The following FNBP1L variants were observed in gnomAD, a reference collection of about 807,000 sequenced individuals.
FNBP1L encodes the protein formin-binding protein 1-like.
FNBP1L carries 36 observed loss-of-function variants against 91.2 expected under a neutral mutation model. The ratio of observed to expected loss-of-function variants is 0.39; its 90% CI spans 0.30 to 0.52. The LOEUF is 0.52. Ranked by LOEUF, FNBP1L falls within the 20% of genes least tolerant of loss-of-function variation. The pLI is 0.66. For synonymous variants in FNBP1L, 242 were observed against 237.0 expected (o/e 1.02, Z -0.19); for missense variants, 571 against 732.1 (o/e 0.78, Z 2.54).
intron 1 of FNBP1L, among the ~76,000 whole-genome samples, chr1:93,470,709 C>T (rs1396381970): frequency 6.6e-6 from 1 of 151,956 alleles, no homozygotes; most frequent in Admixed American, 6.6e-5. Context: ...CCCATCTCTA[C>T]TAAACATATA....
intron 2 of FNBP1L, among the ~76,000 whole-genome samples, chr1:93,516,289 G>C (rs1278074066): frequency 6.6e-6 from 1 of 152,188 alleles, no homozygotes; most frequent in Non-Finnish European, 1.5e-5. Context: ...GGGGCACCCG[G>C]ATTTGAACCG....
At chr1:93,490,471 A>T (rs960462180) in intron 1 of FNBP1L, among the ~76,000 whole-genome samples, 2 of 152,208 alleles carry the variant, frequency 1.3e-5, no homozygotes, top group Non-Finnish European at 2.9e-5. Context: ...ATAAGATTTA[A>T]ATTAGAGCTC....
At chr1:93,533,589 TTGAG>T (rs568641310) in intron 8 of FNBP1L, among the ~76,000 whole-genome samples, 54 of 152,260 alleles carry the variant, frequency 3.5e-4, no homozygotes, top group Admixed American at 2.3e-3. Flanking sequence ...TAAATGTTGA[TTGAG>T]TGATCAAAAA....
At chr1:93,487,693 T>C (rs1051145001) in intron 1 of FNBP1L, among the ~76,000 whole-genome samples, 1 of 152,216 alleles carries the variant, frequency 6.6e-6, no homozygotes, top group African/African-American at 2.4e-5. Flanking sequence ...AAGATTTTCA[T>C]CACTGTAGTG....
chr1:93,544,485 A>G (rs370561520), intron 12 of FNBP1L, among the ~76,000 whole-genome samples: 19 of 152,248 alleles, frequency 1.2e-4, no homozygotes, highest in East Asian at 9.6e-4. Context: ...GAGTAGTTTC[A>G]TCAGCACTAC....
In FNBP1L at chr1:93,471,220, A is replaced by C. The variant is rs921276123; in HGVS notation, c.24+22915A>C. Among the ~76,000 whole-genome samples, 4 of 152,180 alleles carry C rather than the reference A, an allele frequency of 2.6e-5. No homozygotes were observed. The East Asian group carries it at 7.7e-4, about 29-fold the overall frequency. ...TGAGCATTCCTAATCAGAAATGTTCATTGGAGCATTTCCTTTGAGCATCAT... is the reference window on the plus strand; with the variant it reads ...TGAGCATTCCTAATCAGAAATGTTCCTTGGAGCATTTCCTTTGAGCATCAT... On this transcript the variant is annotated intron_variant, in intron 1 of 16. Transcript: ENST00000271234.
chr1:93,548,771 C>T (rs1672316696), intron 14 of FNBP1L, among the ~76,000 whole-genome samples: 4 of 152,156 alleles, frequency 2.6e-5, no homozygotes, highest in Admixed American at 2.6e-4. Context: ...TCGAAGAGTC[C>T]CAAGCAAAAG....
intron 1 of FNBP1L, among the ~76,000 whole-genome samples, chr1:93,483,309 T>C (rs1264587298): frequency 2.0e-5 from 3 of 152,084 alleles, no homozygotes; most frequent in African/African-American, 7.2e-5. Flanking sequence ...GGACAAAATT[T>C]AATGTGCCAC....
At chr1:93,547,565 C>G in intron 14 of FNBP1L, 124 bp downstream of exon 14, 1 of 726,294 alleles carries the variant, frequency 1.4e-6, no homozygotes, top group Non-Finnish European at 2.2e-6. Context: ...TAACCTCAGT[C>G]TTTTGAACCT....
intron 9 of FNBP1L, 78 bp downstream of exon 9, chr1:93,534,986 G>C (rs1671798242): frequency 2.7e-6 from 3 of 1,124,506 alleles, no homozygotes; most frequent in East Asian, 2.6e-5. Flanking sequence ...AATGCAAAAT[G>C]ATTTACCATT....
At position 93,448,217 on chromosome 1, in the gene FNBP1L, GGACA is replaced by G; in HGVS notation, c.-61_-58del. The G allele has an allele frequency of 6.6e-7, 1 of 1,515,866 alleles. No homozygotes were observed. The highest frequency in any genetic ancestry group is 2.8e-5 in the East Asian group (1 of 35,604). 93.9% of individuals were successfully genotyped at this position (1,515,866 alleles called of 1,614,324 possible). ...CCCGCCGGCCAGCGAGTGAGAGGTC[GGACA>G]GACTGTGGAGCCGACAGACTGAAGG... is the stretch of plus-strand genomic sequence containing the variant. On this transcript the variant is annotated 5_prime_UTR_variant, in exon 1 of 17. Transcript: ENST00000271234.
intron 1 of FNBP1L, among the ~76,000 whole-genome samples, chr1:93,472,640 G>A (rs895973106): frequency 2.6e-5 from 4 of 151,524 alleles, no homozygotes; most frequent in Non-Finnish European, 4.4e-5. Flanking sequence ...GTGAAACCCC[G>A]TCTGTACTAA....
At chr1:93,528,989 A>G (rs1428010225) in intron 5 of FNBP1L, among the ~76,000 whole-genome samples, 1 of 152,106 alleles carries the variant, frequency 6.6e-6, no homozygotes, top group African/African-American at 2.4e-5. Flanking sequence ...AATAGTTTGA[A>G]TGAAATAAAA....
At chr1:93,472,704 C>A (rs911114186) in intron 1 of FNBP1L, among the ~76,000 whole-genome samples, 3 of 149,700 alleles carry the variant, frequency 2.0e-5, no homozygotes, top group African/African-American at 7.4e-5. Context: ...TCCAGCTACT[C>A]GGGAGGCTGA....
intron 5 of FNBP1L, among the ~76,000 whole-genome samples, chr1:93,528,267 G>A (rs958178169): frequency 1.3e-5 from 2 of 152,068 alleles, no homozygotes; most frequent in Admixed American, 6.6e-5. Context: ...TTGAAATTTC[G>A]AACACTTTGG....
intron 10 of FNBP1L, among the ~76,000 whole-genome samples, chr1:93,537,518 A>G (rs1671887804): frequency 6.6e-6 from 1 of 152,162 alleles, no homozygotes; most frequent in Admixed American, 6.6e-5. Context: ...GCTTTAAAAC[A>G]TTATGACAAA....
intron 1 of FNBP1L, among the ~76,000 whole-genome samples, chr1:93,477,910 C>G (rs2101704568): frequency 6.6e-6 from 1 of 152,192 alleles, no homozygotes; most frequent in East Asian, 1.9e-4. Flanking sequence ...TTTAACAGTC[C>G]TCTTACTTTC....
chr1:93,460,385 A>G (rs1055721483), intron 1 of FNBP1L, among the ~76,000 whole-genome samples: 3 of 152,236 alleles, frequency 2.0e-5, no homozygotes, highest in African/African-American at 7.2e-5. Context: ...CTCCAGAACA[A>G]TGACAAATAA....
chr1:93,544,641 T>G (rs1290407093), intron 12 of FNBP1L, among the ~76,000 whole-genome samples: 2 of 152,206 alleles, frequency 1.3e-5, no homozygotes, highest in Non-Finnish European at 2.9e-5. Context: ...GTTTACTTTT[T>G]TATTTCATTT....
Sources: allele counts gnomAD v4.1 joint callset (sites outside exome capture counted in the v4.1 genomes callset), GRCh38; gene constraint gnomAD v4.1.1; transcripts MANE v1.5; gene names NCBI Gene and HGNC (gene_info 2026-07-23, HGNC 2026-07-21).